SNX14: variants seen among roughly 807,000 people sequenced by gnomAD.
SNX14 encodes sorting nexin-14.
Under a neutral mutation model 133.8 loss-of-function variants are expected in SNX14, and 93 were observed. That is an observed-to-expected ratio of 0.70 (90% CI 0.59 to 0.83). The LOEUF is 0.83. Among genes scored for constraint, SNX14 ranks in the 40% least tolerant of loss-of-function variants. The pLI is 0.00. For synonymous variants in SNX14, 368 were observed against 365.6 expected, an observed-to-expected ratio of 1.01 and a Z score of -0.07; for missense variants, 945 against 1,094.9, an observed-to-expected ratio of 0.86 and a Z score of 1.93.
chr6:85,572,647 T>A (rs1796024886), intron 2 of SNX14, among the ~76,000 whole-genome samples: 1 of 152,268 alleles, frequency 6.6e-6, no homozygotes, highest in Non-Finnish European at 1.5e-5. Flanking sequence ...TTAAAAAAAA[T>A]TCAGTCTATA....
chr6:85,571,353 C>A (rs1795513513), intron 4 of SNX14, among the ~76,000 whole-genome samples: 1 of 145,704 alleles, frequency 6.9e-6, no homozygotes, highest in African/African-American at 2.6e-5. Flanking sequence ...GAGCAAGACT[C>A]CATCTCAAAA....
chr6:85,528,410 T>A, intron 19 of SNX14, 48 bp from the exon 20 acceptor site: 1 of 1,431,160 alleles, frequency 7.0e-7, no homozygotes, highest in South Asian at 1.3e-5. Flanking sequence ...GCTACTATTT[T>A]TAAAACCTTA....
intron 7 of SNX14, among the ~76,000 whole-genome samples, chr6:85,555,009 A>C (rs1055456807): frequency 2.2e-4 from 34 of 152,038 alleles, no homozygotes; most frequent in African/African-American, 8.0e-4. Flanking sequence ...TTTTGTAGAG[A>C]CAGGGTATCA....
intron 5 of SNX14, 129 bp from the exon 6 acceptor site, chr6:85,565,548 C>A: frequency 3.3e-6 from 2 of 612,674 alleles, no homozygotes; most frequent in South Asian, 2.1e-5. Context: ...ACAAATAATA[C>A]ATTTCATTGC....
At chr6:85,567,836 A>C (rs940742919) in intron 4 of SNX14, 38 of 255,514 alleles carry the variant, frequency 1.5e-4, no homozygotes, top group Non-Finnish European at 1.1e-4. Flanking sequence ...CAGAACAATA[A>C]GCTGGGTGTA....
intron 7 of SNX14, among the ~76,000 whole-genome samples, chr6:85,556,457 C>G (rs1789826239): frequency 6.8e-6 from 1 of 146,738 alleles, no homozygotes; most frequent in Non-Finnish European, 1.5e-5. Flanking sequence ...CGTACTCAAA[C>G]TCTTTCACAT....
intron 4 of SNX14, among the ~76,000 whole-genome samples, chr6:85,570,917 T>G (rs569777890): frequency 2.2e-4 from 34 of 152,286 alleles, no homozygotes; most frequent in Admixed American, 5.9e-4. Flanking sequence ...TCTTACAAAA[T>G]CTTCAAAATC....
chr6:85,532,331 T>G (rs1487578775), intron 18 of SNX14, among the ~76,000 whole-genome samples: 1 of 152,226 alleles, frequency 6.6e-6, no homozygotes, highest in African/African-American at 2.4e-5. Flanking sequence ...TCAGGCAGTA[T>G]GGTCTAAGAC....
At chr6:85,517,121 T>C (rs1416809055) in intron 23 of SNX14, among the ~76,000 whole-genome samples, 1 of 152,206 alleles carries the variant, frequency 6.6e-6, no homozygotes, top group Non-Finnish European at 1.5e-5. Flanking sequence ...CTAAAACTAA[T>C]GTTAAGTCTA....
At chr6:85,524,144 T>C (rs1467854315) in intron 21 of SNX14, among the ~76,000 whole-genome samples, 1 of 150,138 alleles carries the variant, frequency 6.7e-6, no homozygotes, top group Non-Finnish European at 1.5e-5. Context: ...ATGGCACCAC[T>C]GCACTCCAGC....
chr6:85,546,185 G>A (rs1476448176), intron 12 of SNX14, among the ~76,000 whole-genome samples: 2 of 152,092 alleles, frequency 1.3e-5, no homozygotes, highest in African/African-American at 4.8e-5. Flanking sequence ...TCTTGGGAAG[G>A]ATCCTAAGGG....
At chr6:85,583,949 T>C (rs1338599000) in intron 1 of SNX14, among the ~76,000 whole-genome samples, 1 of 152,198 alleles carries the variant, frequency 6.6e-6, no homozygotes, top group Non-Finnish European at 1.5e-5. Flanking sequence ...CAGACAATCC[T>C]AAGCTAAAAG....
chr6:85,557,909 G>T, intron 7 of SNX14, 67 bp downstream of exon 7: 1 of 836,664 alleles, frequency 1.2e-6, no homozygotes, highest in Non-Finnish European at 2.0e-6. Flanking sequence ...CTCATATTTA[G>T]ATATTTCGGG....
At chr6:85,513,217 G>A (rs1773574973) in intron 26 of SNX14, among the ~76,000 whole-genome samples, 1 of 152,238 alleles carries the variant, frequency 6.6e-6, no homozygotes, top group African/African-American at 2.4e-5. Context: ...CAGTTAAGAG[G>A]TTACTACCAC....
intron 7 of SNX14, 73 bp from the exon 8 acceptor site, chr6:85,549,952 A>G: frequency 7.6e-7 from 1 of 1,317,516 alleles, no homozygotes; most frequent in South Asian, 1.4e-5. Flanking sequence ...CCACTAACAA[A>G]TAGAAGAGCA....
chr6:85,584,656 C>T (rs1426539391), intron 1 of SNX14, among the ~76,000 whole-genome samples: 2 of 152,186 alleles, frequency 1.3e-5, no homozygotes, highest in East Asian at 3.9e-4. Flanking sequence ...AAAAGCTCAT[C>T]ATCACGGGTC....
At position 85,547,300 on chromosome 6, in the gene SNX14, T is replaced by C; in HGVS notation, c.993+17A>G. 2.5e-6 allele frequency: 4 copies of C among 1,612,646 alleles called. No individual in the cohort carries two copies. Among genetic ancestry groups the C allele is most frequent in the Non-Finnish European group, 3.4e-6 (4 of 1,179,638 alleles). ...AATTGTTTATATCAAAAAGGTGTTA[T>C]TGCTGAAAATTCTTACAGATGGCTT... is the stretch of plus-strand genomic sequence containing the variant. On this transcript the variant is annotated intron_variant, in intron 11 of 28. Coordinates refer to ENST00000314673, the MANE Select transcript of SNX14 (RefSeq NM_153816.6).
intron 2 of SNX14, among the ~76,000 whole-genome samples, chr6:85,573,587 T>C (rs938521270): frequency 1.3e-5 from 2 of 152,230 alleles, no homozygotes; most frequent in African/African-American, 4.8e-5. Flanking sequence ...TTCATTAAAT[T>C]TCAGAAATAA....
chr6:85,539,132 C>A (rs1328886904), intron 15 of SNX14, among the ~76,000 whole-genome samples: 1 of 152,030 alleles, frequency 6.6e-6, no homozygotes, highest in Non-Finnish European at 1.5e-5. Flanking sequence ...TCTTGGGTGA[C>A]ATGGAAAAAA....
Sources: gnomAD v4.1 joint callset for allele counts (sites outside exome capture counted in the v4.1 genomes callset) on GRCh38, gnomAD v4.1.1 for gene constraint, MANE v1.5 for transcripts, NCBI Gene and HGNC (gene_info 2026-07-23, HGNC 2026-07-21) for gene names.